Variants in ACTR8 observed in about 807,000 individuals in gnomAD.
ACTR8 encodes actin-related protein 8.
In ACTR8, 70 loss-of-function variants were observed where a neutral mutation model predicts 84.3. The ratio of observed to expected loss-of-function variants is 0.83; its 90% CI spans 0.68 to 1.01. The LOEUF (loss-of-function observed/expected upper bound fraction) is 1.01. ACTR8 is among the 50% of genes least tolerant of loss of function. The pLI is 0.00. For synonymous variants in ACTR8, 268 were observed against 275.2 expected (o/e 0.97, Z 0.26); for missense variants, 672 against 775.4 (o/e 0.87, Z 1.58).
At chr3:53,869,802 G>C (rs896599338) in intron 12 of ACTR8, among the ~76,000 whole-genome samples, 180 bp downstream of exon 12, 1 of 152,164 alleles carries the variant, frequency 6.6e-6, no homozygotes, top group Non-Finnish European at 1.5e-5. Flanking sequence ...CAGAAATCCA[G>C]TACCTTAGGC....
chr3:53,871,498 T>C lies in ACTR8; in HGVS notation c.1303-2A>G. 1.2e-6 allele frequency: 2 copies of C among 1,613,788 alleles called. No homozygotes were observed. The highest frequency in any genetic ancestry group is 1.7e-6 in the Non-Finnish European group (2 of 1,179,914). On this transcript the variant is annotated splice_acceptor_variant, in intron 10 of 12. Transcript: ENST00000335754. LOFTEE classifies it high-confidence loss of function. The stretch of plus-strand genomic sequence containing the variant: ...TCGGTCAGCAGTAGCTTTTGCAGAC[T>C]TTAAATCAAAAGGACAATCAAGTAT...
chr3:53,872,382 A>T lies in ACTR8; in HGVS notation c.1302+2T>A, dbSNP rs1397971223. On this transcript the variant is annotated splice_donor_variant, in intron 10 of 12. Transcript: ENST00000335754. LOFTEE classifies it high-confidence loss of function. Reference sequence around the variant, plus strand: ...TCTTCTCCTACCAGAATTGCTACGGACCTGTTCTTGTTTGCTCTGTGTGGC... The same window carrying T: ...TCTTCTCCTACCAGAATTGCTACGGTCCTGTTCTTGTTTGCTCTGTGTGGC... 1.3e-6 allele frequency: 2 copies of T among 1,587,266 alleles called. No homozygotes were observed.
At chr3:53,862,573 G>A (rs1358615425), downstream of ACTR8, among the ~76,000 whole-genome samples, 2 of 152,180 alleles carry the variant, frequency 1.3e-5, no homozygotes, top group East Asian at 1.9e-4. Context: ...TACGGATCTT[G>A]GAGAAATTCA....
chr3:53,877,435 A>G, intron 4 of ACTR8, 48 bp from the exon 5 acceptor site: 1 of 1,528,976 alleles, frequency 6.5e-7, no homozygotes. Flanking sequence ...CTTTTCTCTC[A>G]AGGTTTTCTG....
At chr3:53,874,761 G>A (rs1699941251) in intron 7 of ACTR8, among the ~76,000 whole-genome samples, 1 of 151,660 alleles carries the variant, frequency 6.6e-6, no homozygotes, top group South Asian at 2.1e-4. Flanking sequence ...AAACAAAAAT[G>A]TCCATTAAAC....
rs1383564185 is a variant in ACTR8 at position 53,870,167 on chromosome 3, T to A, written c.1568-22A>T. On this transcript the variant is annotated intron_variant, in intron 11 of 12. Coordinates refer to ENST00000335754, the MANE Select transcript of ACTR8 (RefSeq NM_022899.5). This position sits in a 1 kb window ranked among gnomAD's most constrained non-coding sequence, Gnocchi z 4.1. ...GATGCTGAAAAGACAGTTGACATCCTCCATGCTTTTTTCTCCACATCCATA... is the reference window on the plus strand; with the variant it reads ...GATGCTGAAAAGACAGTTGACATCCACCATGCTTTTTTCTCCACATCCATA... The A allele has an allele frequency of 6.2e-7, 1 of 1,604,512 alleles. No individual in the cohort carries two copies. The highest frequency in any genetic ancestry group is 1.1e-5 in the South Asian group (1 of 90,764).
At chr3:53,865,274 C>G (rs1276066514), downstream of ACTR8, 1 of 1,609,174 alleles carries the variant, frequency 6.2e-7, no homozygotes, top group African/African-American at 1.3e-5. Context: ...GGAAAAAGAT[C>G]ACAAGCCTGC....
chr3:53,863,936 C>T (rs552818368), downstream of ACTR8, among the ~76,000 whole-genome samples: 2 of 151,840 alleles, frequency 1.3e-5, no homozygotes, highest in East Asian at 3.9e-4. Context: ...GAACCTCCCA[C>T]CTTAGCCGCC....
intron 8 of ACTR8, 73 bp from the exon 9 acceptor site, chr3:53,873,200 T>C: frequency 8.5e-7 from 1 of 1,180,616 alleles, no homozygotes; most frequent in Non-Finnish European, 1.2e-6. Flanking sequence ...TGCTTCAGCC[T>C]CACCATCATC....
rs1239745813 is a variant in ACTR8 at position 53,871,450 on chromosome 3, C to T, written c.1349G>A (p.Gly450Glu). 6.2e-7 allele frequency: 1 copy of T among 1,614,208 alleles called. No homozygotes were observed. The highest frequency in any genetic ancestry group is 1.1e-5 in the South Asian group (1 of 91,090). Residue 450 changes from glycine (G) to glutamate (E), a missense_variant, in exon 11 of 13, where the codon GGA becomes GAA. By Grantham distance (98) the Gly-to-Glu change is moderately conservative. Coordinates refer to ENST00000335754, the MANE Select transcript of ACTR8 (RefSeq NM_022899.5). ...ADRKSASKPI[G>E]FEGDLRGQSS... Reference sequence around the variant, plus strand: ...CTGGCCACGAAGATCCCCTTCAAATCCAATAGGTTTGGATGCAGACTTTCG... The same window carrying T: ...CTGGCCACGAAGATCCCCTTCAAATTCAATAGGTTTGGATGCAGACTTTCG...
At chr3:53,863,479 G>A (rs1699644190), downstream of ACTR8, among the ~76,000 whole-genome samples, 1 of 152,208 alleles carries the variant, frequency 6.6e-6, no homozygotes, top group Non-Finnish European at 1.5e-5. Flanking sequence ...TAAATAAAAT[G>A]AGATTAACTC....
Position 53,877,587 on chromosome 3 carries a change from G to T in ACTR8, c.510+60C>A. The stretch of plus-strand genomic sequence containing the variant: ...ACTAGGACTGGGTGGCAACGTAAAT[G>T]AATTTTAGGAGGAGGATCAGCTTCC... On this transcript the variant is annotated intron_variant, in intron 4 of 12. Coordinates refer to ENST00000335754, the MANE Select transcript of ACTR8 (RefSeq NM_022899.5). 3 of 1,547,422 alleles carry T rather than the reference G, an allele frequency of 1.9e-6. No homozygotes were observed. The Admixed American group carries it at 5.2e-5, about 27-fold the overall frequency.
chr3:53,877,381 A>G lies in ACTR8; in HGVS notation c.517T>C (p.Tyr173His). The G allele has an allele frequency of 4.4e-6, 7 of 1,597,936 alleles. No individual in the cohort carries two copies. The highest frequency in any genetic ancestry group is 2.2e-5 in the East Asian group (1 of 44,742). ...PEYLVGEEAL[Y>H]VNPLDCYNIH... ...TTGTAACAGTCCAGTGGATTAACAT[A>G]CAAGGCCTAGAAAAGGAGGAGGGAG... Residue 173 changes from tyrosine (Y) to histidine (H), a missense_variant, in exon 5 of 13, where the codon TAT (tyrosine) becomes CAT (histidine). By Grantham distance (83) the Tyr-to-His change is moderately conservative (BLOSUM62 2). Transcript: ENST00000335754.
intron 6 of ACTR8, 80 bp from the exon 7 acceptor site, chr3:53,876,160 G>C: frequency 5.9e-6 from 9 of 1,526,162 alleles, no homozygotes; most frequent in Non-Finnish European, 8.0e-6. Flanking sequence ...CAGCTGAAGC[G>C]GGGAGCCTAG....
At position 53,871,496 on chromosome 3, in the gene ACTR8, A is replaced by G. The variant is rs768213241; in HGVS notation, c.1303T>C (p.Ser435Pro). Residue 435 changes from serine to proline, a missense_variant and splice_region_variant, in exon 11 of 13, where the codon TCT (serine) becomes CCT (proline). Transcript: ENST00000335754. ...TTTCGGTCAGCAGTAGCTTTTGCAG[A>G]CTTTAAATCAAAAGGACAATCAAGT... is the stretch of plus-strand genomic sequence containing the variant. ...LLATQSKQEQ[S>P]AKATADRKSA... The G allele has an allele frequency of 6.2e-7, 1 of 1,613,796 alleles. No individual in the cohort carries two copies. The highest frequency in any genetic ancestry group is 8.5e-7 in the Non-Finnish European group (1 of 1,179,906).
rs914930663 is a variant in ACTR8 at position 53,878,248 on chromosome 3, T to C, written c.405+109A>G. 4 of 885,840 alleles carry C rather than the reference T, an allele frequency of 4.5e-6. No individual in the cohort carries two copies. In the African/African-American group the frequency reaches 6.8e-5, roughly 15 times the overall value. The allele number at this position is 885,840 out of a possible 1,614,324, so 54.9% of individuals were successfully genotyped here. A position where few individuals can be genotyped will look rare whatever the true frequency, so the allele number is the denominator to read the frequency against. ...TGGTTATGAGGGGTTTTCTTCCTTT[T>C]TAAGGAACTCCCATCTTGTATTTGC... On this transcript the variant is annotated intron_variant, in intron 3 of 12. Transcript: ENST00000335754.
At chr3:53,873,483 TCAAA>T (rs1448680598) in intron 8 of ACTR8, among the ~76,000 whole-genome samples, 1 of 152,082 alleles carries the variant, frequency 6.6e-6, no homozygotes, top group Non-Finnish European at 1.5e-5. Flanking sequence ...AAAACAAGTC[TCAAA>T]CAAAAAAAGG....
chr3:53,879,179 G>A (rs987647113), intron 2 of ACTR8, among the ~76,000 whole-genome samples: 2 of 152,094 alleles, frequency 1.3e-5, no homozygotes, highest in Admixed American at 1.3e-4. Flanking sequence ...TTTCTTAAAC[G>A]TACTCCCTAA....
Position 53,877,756 on chromosome 3 carries a change from A to T in ACTR8, c.406-5T>A. 1 of 1,612,512 alleles carries T rather than the reference A, an allele frequency of 6.2e-7. No individual in the cohort carries two copies. Among genetic ancestry groups the T allele is most frequent in the Non-Finnish European group, 8.5e-7 (1 of 1,178,844 alleles). ...CTGCTTATTGTAGGAGCGTGCCTGA[A>T]AAGAAAAACCATCAGAAAATTATCT... On this transcript the variant is annotated splice_polypyrimidine_tract_variant and splice_region_variant and intron_variant, in intron 3 of 12. Coordinates refer to ENST00000335754, the MANE Select transcript of ACTR8 (RefSeq NM_022899.5).
Sources: allele counts gnomAD v4.1 joint callset (sites outside exome capture counted in the v4.1 genomes callset), GRCh38; gene constraint gnomAD v4.1.1; non-coding constraint Gnocchi (gnomAD v3.1); transcripts MANE v1.5; gene names NCBI Gene and HGNC (gene_info 2026-07-23, HGNC 2026-07-21).